The following MAP4K5 variants were observed in gnomAD, a reference collection of about 807,000 sequenced individuals.
The protein encoded by MAP4K5 is mitogen-activated protein kinase kinase kinase kinase 5, also known as MAPK/ERK kinase kinase kinase 5.
In MAP4K5, 82 loss-of-function variants were observed where a neutral mutation model predicts 135.6. That is an observed-to-expected ratio of 0.60 (90% CI 0.51 to 0.73). MAP4K5 has a LOEUF of 0.73. Among genes scored for constraint, MAP4K5 ranks in the 30% least tolerant of loss-of-function variants. The pLI is 0.00. For missense variants in MAP4K5, 907 were observed against 1,010.9 expected, an observed-to-expected ratio of 0.90 and a Z score of 1.39; for synonymous variants, 347 against 335.0, an observed-to-expected ratio of 1.04 and a Z score of -0.39.
chr14:50,509,454 C>G (rs748066806), intron 2 of MAP4K5, among the ~76,000 whole-genome samples: 7 of 152,060 alleles, frequency 4.6e-5, no homozygotes, highest in Non-Finnish European at 8.8e-5. Context: ...AAACAGCTAA[C>G]AAAGCAATAT....
At chr14:50,448,903 G>A (rs1251289540) in intron 14 of MAP4K5, 71 bp from the exon 15 acceptor site, 1 of 584,928 alleles carries the variant, frequency 1.7e-6, no homozygotes, top group Non-Finnish European at 3.1e-6. Flanking sequence ...GTAATGACAA[G>A]TTTGTATATG....
At chr14:50,494,379 G>T (rs1268779734) in intron 3 of MAP4K5, among the ~76,000 whole-genome samples, 1 of 152,016 alleles carries the variant, frequency 6.6e-6, no homozygotes, top group East Asian at 1.9e-4. Context: ...TATTGGCCAG[G>T]CTGGTCTCGA....
In MAP4K5 at chr14:50,501,664, AAAAG is replaced by A. The variant is rs145572310; in HGVS notation, c.166+3132_166+3135del. On this transcript the variant is annotated intron_variant, in intron 3 of 32. Transcript: ENST00000682126. ...GTTGTATGCCACATAAATATAAACA[AAAAG>A]AAAGGAGGGTTGGCAATATCAATGT... 1.9e-3 allele frequency among the ~76,000 whole-genome samples: 285 copies of A among 152,228 alleles called. 2 individuals are homozygous for A. Among genetic ancestry groups the A allele is most frequent in the Non-Finnish European group, 3.7e-3 (252 of 67,974 alleles).
chr14:50,480,639 TA>T (rs1341270498), intron 6 of MAP4K5, among the ~76,000 whole-genome samples: 1 of 152,174 alleles, frequency 6.6e-6, no homozygotes, highest in East Asian at 1.9e-4. Context: ...AGCCTCATTT[TA>T]TAAACTCATG....
chr14:50,511,871 GT>G (rs1244712715), intron 2 of MAP4K5, among the ~76,000 whole-genome samples: 6 of 152,124 alleles, frequency 3.9e-5, no homozygotes, highest in Admixed American at 3.9e-4. Context: ...AAAAGCAATG[GT>G]TGTCTGGGGT....
chr14:50,482,253 T>C (rs2037260198), intron 6 of MAP4K5, 108 bp downstream of exon 6: 1 of 594,712 alleles, frequency 1.7e-6, no homozygotes, highest in Non-Finnish European at 2.8e-6. Flanking sequence ...CTCTTTAAGG[T>C]AGACTATCAT....
At chr14:50,470,707 C>A (rs898249005) in intron 9 of MAP4K5, among the ~76,000 whole-genome samples, 1 of 151,542 alleles carries the variant, frequency 6.6e-6, no homozygotes, top group Non-Finnish European at 1.5e-5. Flanking sequence ...AAAATGGTAT[C>A]ATATTGCATA....
chr14:50,482,000 A>G (rs76309176), intron 6 of MAP4K5, among the ~76,000 whole-genome samples: 2,265 of 152,306 alleles, frequency 0.015, 49 homozygotes, highest in African/African-American at 0.051. Context: ...AACATGTTAC[A>G]ATTGAGAGGT....
intron 31 of MAP4K5, 98 bp downstream of exon 31, chr14:50,425,807 AAC>A: frequency 1.3e-6 from 1 of 755,522 alleles, no homozygotes; most frequent in Non-Finnish European, 2.2e-6. Flanking sequence ...AAAAGCACTA[AAC>A]ACAGTAATGT....
chr14:50,473,727 T>A (rs1385776708), intron 9 of MAP4K5, among the ~76,000 whole-genome samples: 2 of 142,090 alleles, frequency 1.4e-5, no homozygotes, highest in East Asian at 4.1e-4. Flanking sequence ...TTTTTTTTTT[T>A]TTTTTTTTTT....
chr14:50,429,057 T>A, intron 29 of MAP4K5, 135 bp downstream of exon 29: 1 of 606,650 alleles, frequency 1.6e-6, no homozygotes, highest in Non-Finnish European at 2.8e-6. Context: ...GAGGTGATTT[T>A]TTTCGCTTAC....
chr14:50,524,178 A>C (rs1317628824), intron 2 of MAP4K5, among the ~76,000 whole-genome samples: 1 of 152,232 alleles, frequency 6.6e-6, no homozygotes, highest in Non-Finnish European at 1.5e-5. Context: ...ATGGTAACTG[A>C]ATGCTGTAAT....
At chr14:50,476,818 C>T (rs2037111182) in intron 6 of MAP4K5, among the ~76,000 whole-genome samples, 1 of 152,188 alleles carries the variant, frequency 6.6e-6, no homozygotes, top group Non-Finnish European at 1.5e-5. Context: ...TAAACACAAT[C>T]AAGATATCAA....
At chr14:50,505,546 T>A (rs2037792502) in intron 2 of MAP4K5, among the ~76,000 whole-genome samples, 1 of 152,194 alleles carries the variant, frequency 6.6e-6, no homozygotes. Flanking sequence ...TAACACAATA[T>A]CAACAAACTT....
chr14:50,516,918 T>G (rs1239270315), intron 2 of MAP4K5, among the ~76,000 whole-genome samples: 1 of 152,182 alleles, frequency 6.6e-6, no homozygotes, highest in East Asian at 1.9e-4. Context: ...TAAGCTCTAA[T>G]TCTAACTCTG....
At chr14:50,560,454 G>A (rs1172197077) in intron 1 of MAP4K5, 10 of 1,038,420 alleles carry the variant, frequency 9.6e-6, no homozygotes, top group African/African-American at 1.6e-5. Flanking sequence ...TTTGGGCGGA[G>A]GAACCATGGC....
At chr14:50,518,734 G>T (rs1180565153) in intron 2 of MAP4K5, among the ~76,000 whole-genome samples, 1 of 152,112 alleles carries the variant, frequency 6.6e-6, no homozygotes, top group African/African-American at 2.4e-5. Context: ...CTCTGAAAAG[G>T]TTTCTCCCAA....
intron 9 of MAP4K5, among the ~76,000 whole-genome samples, chr14:50,469,728 G>C (rs552052513): frequency 1.3e-5 from 2 of 152,316 alleles, no homozygotes; most frequent in African/African-American, 4.8e-5. Context: ...ACAAAAGACT[G>C]AAGTTGGAGT....
In MAP4K5 at chr14:50,546,999, C is replaced by T. The variant is rs765585727; in HGVS notation, c.-179-4415G>A. Among the ~76,000 whole-genome samples the T allele has an allele frequency of 1.1e-4, 16 of 152,048 alleles. 1 individual carries two copies. The highest frequency in any genetic ancestry group is 1.9e-4 in the Non-Finnish European group (13 of 68,012). ...CTATCCCTCCCCTAGCCCCCCACCC[C>T]CCAACAGGCCCTGGTGTTTCTCACT... On this transcript the variant is annotated intron_variant, in intron 1 of 8. Coordinates refer to the MAP4K5 transcript ENST00000555216.
Sources: gnomAD v4.1 joint callset for allele counts (sites outside exome capture counted in the v4.1 genomes callset) on GRCh38, gnomAD v4.1.1 for gene constraint, MANE v1.5 for transcripts, NCBI Gene and HGNC (gene_info 2026-07-23, HGNC 2026-07-21) for gene names.